The following OR6A2 variants were observed in gnomAD, a reference collection of about 807,000 sequenced individuals.
The protein encoded by OR6A2 is olfactory receptor family 6 subfamily A member 2.
In OR6A2, 6 loss-of-function variants were observed where a neutral mutation model predicts 7.1. That is an observed-to-expected ratio of 0.85 (90% confidence interval 0.46 to 1.68). The LOEUF is 1.68. OR6A2 is among the 40% of genes most tolerant of loss of function. The probability of loss-of-function intolerance (pLI) is 0.01; values close to 1 mark genes in which losing one functional copy is unlikely to be tolerated. For missense variants in OR6A2, 431 were observed against 398.0 expected (o/e 1.08, Z -0.71); for synonymous variants, 162 against 152.1 (o/e 1.06, Z -0.48).
rs190029924 is a variant in OR6A2, at chr11:6,793,760, T to C, written c.*965A>G. 2.0e-3 allele frequency: 303 copies of C among 152,292 alleles called. 3 individuals are homozygous for C. Among genetic ancestry groups the C allele is most frequent in the African/African-American group, 6.8e-3 (283 of 41,560 alleles). 9.4% of individuals were successfully genotyped at this position (152,292 alleles called of 1,614,324 possible). On this transcript the variant is annotated 3_prime_UTR_variant, in exon 2 of 2. Transcript: ENST00000641196. ...TCACTTTATTTCAATTTCTGCATAG[T>C]TTTCCATGTAACATATGAGCTACAA...
Position 6,795,270 on chromosome 11 carries a change from C to A in OR6A2, c.439G>T (p.Val147Leu), listed in dbSNP as rs146795535. ...YPVIVSGRLC[V>L]QMAAGSWAGG... ...GCCCAAGAGCCAGCAGCCATCTGCACACACAGCCGGCCACTGACAATGACT... is the reference window on the plus strand; with the variant it reads ...GCCCAAGAGCCAGCAGCCATCTGCAAACACAGCCGGCCACTGACAATGACT... The change falls in exon 2 of 2, where the codon GTG (valine) becomes TTG (leucine). Residue 147 changes from valine (V) to leucine (L), a missense_variant. Coordinates refer to ENST00000641196, the MANE Select transcript of OR6A2 (RefSeq NM_003696.3). 9 of 1,613,950 alleles carry A rather than the reference C, an allele frequency of 5.6e-6. No individual in the cohort carries two copies. In the African/African-American group the frequency reaches 9.3e-5, roughly 17 times the overall value.
rs1229021987 is a variant in OR6A2 at position 6,793,461 on chromosome 11, T to C, written c.*1264A>G. ...TAAATTTCTGAAAATCATACTGACA[T>C]ACCCTGTATCCATCTCCCTGTCCAG... On this transcript the variant is annotated 3_prime_UTR_variant, in exon 2 of 2. Coordinates refer to ENST00000641196, the MANE Select transcript of OR6A2 (RefSeq NM_003696.3). 1.3e-5 allele frequency: 2 copies of C among 152,126 alleles called. No homozygotes were observed. The highest frequency in any genetic ancestry group is 4.8e-5 in the African/African-American group (2 of 41,434). 9.4% of individuals were successfully genotyped at this position (152,126 alleles called of 1,614,324 possible).
At chr11:6,798,746 C>T (rs1394435499) in intron 1 of OR6A2, among the ~76,000 whole-genome samples, 1 of 152,142 alleles carries the variant, frequency 6.6e-6, no homozygotes, top group Non-Finnish European at 1.5e-5. Flanking sequence ...GTCAAAAACA[C>T]CCACTCTCTT....
Position 6,795,618 on chromosome 11 carries a change from G to C in OR6A2, c.91C>G (p.Leu31Val), listed in dbSNP as rs757390473. 6.2e-7 allele frequency: 1 copy of C among 1,614,032 alleles called. No homozygotes were observed. The highest frequency in any genetic ancestry group is 1.1e-5 in the South Asian group (1 of 91,062). Residue 31 changes from leucine (L) to valine (V), a missense_variant, in exon 2 of 2, where the codon CTT becomes GTT. By Grantham distance (32) the Leu-to-Val change is conservative (BLOSUM62 1). Coordinates refer to ENST00000641196, the MANE Select transcript of OR6A2 (RefSeq NM_003696.3). ...ACCAACACATAGGCCAGCAGCAAAA[G>C]GGCAAACAATAGTACCTGTAGTGGC... Reference protein sequence around the residue: ...PAPLQVLLFALLLLAYVLVLT... With the variant: ...PAPLQVLLFAVLLLAYVLVLT...
At position 6,795,318 on chromosome 11, in the gene OR6A2, T is replaced by C. The variant is rs761890155; in HGVS notation, c.391A>G (p.Ile131Val). 6.2e-7 allele frequency: 1 copy of C among 1,613,986 alleles called. No individual in the cohort carries two copies. Among genetic ancestry groups the C allele is most frequent in the Non-Finnish European group, 8.5e-7 (1 of 1,179,998 alleles). ...ACTGGGTAGTGGAGAGGATAGCAGA[T>C]GGCCATATAGCGATCATAGGCCATA... ...AVMAYDRYMA[I>V]CYPLHYPVIV... Residue 131 changes from isoleucine (I) to valine (V), a missense_variant, in exon 2 of 2, where the codon ATC becomes GTC. Physicochemically the swap from Ile to Val is conservative, Grantham distance 29 (BLOSUM62 3). Coordinates refer to ENST00000641196, the MANE Select transcript of OR6A2 (RefSeq NM_003696.3).
Position 6,794,002 on chromosome 11 carries a change from G to A in OR6A2, c.*723C>T, listed in dbSNP as rs1847717078. The A allele has an allele frequency of 6.6e-6, 1 of 152,098 alleles. No individual in the cohort carries two copies. The highest frequency in any genetic ancestry group is 1.5e-5 in the Non-Finnish European group (1 of 68,028). The allele number at this position is 152,098 out of a possible 1,614,324, so 9.4% of individuals were successfully genotyped here. A position where few individuals can be genotyped will look rare whatever the true frequency, so the allele number is the denominator to read the frequency against. ...CTCTGCATACTAGTAAAGTATGAGG[G>A]GTTTACTTCCTGCACCTGCCAACCC... On this transcript the variant is annotated 3_prime_UTR_variant, in exon 2 of 2. Coordinates refer to ENST00000641196, the MANE Select transcript of OR6A2 (RefSeq NM_003696.3).
In OR6A2 at chr11:6,795,339, C is replaced by A. The variant is rs140805977; in HGVS notation, c.370G>T (p.Ala124Ser). The A allele has an allele frequency of 4.3e-6, 7 of 1,613,860 alleles. No individual in the cohort carries two copies. The highest frequency in any genetic ancestry group is 5.9e-6 in the Non-Finnish European group (7 of 1,180,006). ...CAGATGGCCATATAGCGATCATAGG[C>A]CATAACAGCGAGAAGGACACACTCA... is the stretch of plus-strand genomic sequence containing the variant. ...CTECVLLAVM[A>S]YDRYMAICYP... is the part of the protein sequence containing the mutation. The change falls in exon 2 of 2, where the codon GCC becomes TCC. Residue 124 changes from alanine (A) to serine (S), a missense_variant. Coordinates refer to ENST00000641196, the MANE Select transcript of OR6A2 (RefSeq NM_003696.3).
Position 6,795,757 on chromosome 11 carries a change from T to C in OR6A2, c.-49A>G, listed in dbSNP as rs1395102363. The C allele has an allele frequency of 1.3e-6, 2 of 1,569,444 alleles. No individual in the cohort carries two copies. The highest frequency in any genetic ancestry group is 2.7e-5 in the African/African-American group (2 of 73,794). On this transcript the variant is annotated 5_prime_UTR_variant, in exon 2 of 2. Transcript: ENST00000641196. ...TTCAGGAGATGAGAGTAGAGAGTCTTCAGTAGGCCACAACAAGAACCCAGC... is the reference window on the plus strand; with the variant it reads ...TTCAGGAGATGAGAGTAGAGAGTCTCCAGTAGGCCACAACAAGAACCCAGC...
In OR6A2 at chr11:6,793,051, G is replaced by C. The variant is rs906355672; in HGVS notation, c.*1674C>G. 2.6e-5 allele frequency: 4 copies of C among 152,112 alleles called. No individual in the cohort carries two copies. The highest frequency in any genetic ancestry group is 9.7e-5 in the African/African-American group (4 of 41,414). 9.4% of individuals were successfully genotyped at this position (152,112 alleles called of 1,614,324 possible). ...TATTAACTCGAGTTAACTTATAAAAGAGTTTATAAAAGAGTTGTAATAACA... is the reference window on the plus strand; with the variant it reads ...TATTAACTCGAGTTAACTTATAAAACAGTTTATAAAAGAGTTGTAATAACA... On this transcript the variant is annotated 3_prime_UTR_variant, in exon 2 of 2. Transcript: ENST00000641196.
Position 6,791,795 on chromosome 11 carries a change from G to A in OR6A2, c.*2930C>T, listed in dbSNP as rs2133032504. The A allele has an allele frequency of 6.6e-6, 1 of 152,236 alleles. No homozygotes were observed. The highest frequency in any genetic ancestry group is 2.1e-4 in the South Asian group (1 of 4,824). 9.4% of individuals were successfully genotyped at this position (152,236 alleles called of 1,614,324 possible). On this transcript the variant is annotated 3_prime_UTR_variant, in exon 2 of 2. Coordinates refer to ENST00000641196, the MANE Select transcript of OR6A2 (RefSeq NM_003696.3). ...ACTTCTAAATTTTGGAACAATATTA[G>A]GCTTACAGAAAAATTGCAAAGATGC...
At chr11:6,796,429 A>G (rs1847749930) in intron 1 of OR6A2, among the ~76,000 whole-genome samples, 1 of 152,156 alleles carries the variant, frequency 6.6e-6, no homozygotes, top group African/African-American at 2.4e-5. Flanking sequence ...CAGCTGGGAG[A>G]GAGAATCTTT....
rs1020374811 is a variant in OR6A2, at chr11:6,794,173, T to C, written c.*552A>G. The C allele has an allele frequency of 3.9e-5, 6 of 154,148 alleles. No individual in the cohort carries two copies. Among genetic ancestry groups the C allele is most frequent in the Non-Finnish European group, 8.7e-5 (6 of 69,340 alleles). The allele number at this position is 154,148 out of a possible 1,614,324, so 9.5% of individuals were successfully genotyped here. A position where few individuals can be genotyped will look rare whatever the true frequency, so the allele number is the denominator to read the frequency against. On this transcript the variant is annotated 3_prime_UTR_variant, in exon 2 of 2. Transcript: ENST00000641196. ...AAAAGAAAATCTGATCCTGTCACCA[T>C]GGTGCTTATAGTCTAATCAGGGAGA... is the stretch of plus-strand genomic sequence containing the variant.
Position 6,794,855 on chromosome 11 carries a change from A to G in OR6A2, c.854T>C (p.Val285Ala), listed in dbSNP as rs774678855. The G allele has an allele frequency of 6.2e-7, 1 of 1,614,170 alleles. No homozygotes were observed. Among genetic ancestry groups the G allele is most frequent in the East Asian group, 2.2e-5 (1 of 44,892 alleles). The change falls in exon 2 of 2, where the codon GTC becomes GCC. Residue 285 changes from valine to alanine, a missense_variant. Physicochemically the swap from Val to Ala is moderately conservative, Grantham distance 64. Coordinates refer to ENST00000641196, the MANE Select transcript of OR6A2 (RefSeq NM_003696.3). ...GATGGGATTGAGCAATGGTACAATG[A>G]CAGCATACAGTACAGAGACCAACTT... is the stretch of plus-strand genomic sequence containing the variant. ...TNKLVSVLYA[V>A]IVPLLNPIIY...
Position 6,791,781 on chromosome 11 carries a change from T to C in OR6A2, c.*2944A>G, listed in dbSNP as rs1358844736. Reference sequence around the variant, plus strand: ...TCTTTTTAAAATAAACTTCTAAATTTTGGAACAATATTAGGCTTACAGAAA... The same window carrying C: ...TCTTTTTAAAATAAACTTCTAAATTCTGGAACAATATTAGGCTTACAGAAA... On this transcript the variant is annotated 3_prime_UTR_variant, in exon 2 of 2. Coordinates refer to ENST00000641196, the MANE Select transcript of OR6A2 (RefSeq NM_003696.3). 2 of 152,198 alleles carry C rather than the reference T, an allele frequency of 1.3e-5. No homozygotes were observed. The highest frequency in any genetic ancestry group is 2.9e-5 in the Non-Finnish European group (2 of 68,034). The allele number at this position is 152,198 out of a possible 1,614,324, so 9.4% of individuals were successfully genotyped here.
rs1847734435 is a variant in OR6A2 at position 6,795,274 on chromosome 11, C to T, written c.435G>A (p.Leu145=). The T allele has an allele frequency of 6.2e-7, 1 of 1,613,956 alleles. No homozygotes were observed. Among genetic ancestry groups the T allele is most frequent in the African/African-American group, 1.3e-5 (1 of 74,906 alleles). The part of the protein sequence containing the change: ...LHYPVIVSGR[L]CVQMAAGSWA... ...AAGAGCCAGCAGCCATCTGCACACA[C>T]AGCCGGCCACTGACAATGACTGGGT... Residue 145 remains leucine, a synonymous_variant, in exon 2 of 2, where the codon CTG becomes CTA. Coordinates refer to ENST00000641196, the MANE Select transcript of OR6A2 (RefSeq NM_003696.3).
intron 1 of OR6A2, among the ~76,000 whole-genome samples, chr11:6,796,942 G>T (rs758925840): frequency 6.6e-6 from 1 of 152,132 alleles, no homozygotes; most frequent in East Asian, 1.9e-4. Flanking sequence ...ATCTGGGTGC[G>T]ATTTCTTCTC....
In OR6A2 at chr11:6,793,273, C is replaced by A. The variant is rs1847709514; in HGVS notation, c.*1452G>T. On this transcript the variant is annotated 3_prime_UTR_variant, in exon 2 of 2. Transcript: ENST00000641196. ...AAAACTTTTAATAAGTATGGGCTAG[C>A]AAATAATGCATGATATCCTTGGTAA... is the stretch of plus-strand genomic sequence containing the variant. 6.6e-6 allele frequency: 1 copy of A among 152,138 alleles called. No homozygotes were observed. The highest frequency in any genetic ancestry group is 1.5e-5 in the Non-Finnish European group (1 of 68,022). The allele number at this position is 152,138 out of a possible 1,614,324, so 9.4% of individuals were successfully genotyped here. A position where few individuals can be genotyped will look rare whatever the true frequency, so the allele number is the denominator to read the frequency against.
In OR6A2 at chr11:6,795,868, T is replaced by C. The variant is rs1847744631; in HGVS notation, c.-160A>G. The C allele has an allele frequency of 3.2e-6, 2 of 625,808 alleles. No homozygotes were observed. Among genetic ancestry groups the C allele is most frequent in the Admixed American group, 3.0e-5 (1 of 33,866 alleles). 38.8% of individuals were successfully genotyped at this position (625,808 alleles called of 1,614,324 possible). On this transcript the variant is annotated 5_prime_UTR_variant, in exon 2 of 2. Coordinates refer to ENST00000641196, the MANE Select transcript of OR6A2 (RefSeq NM_003696.3). The stretch of plus-strand genomic sequence containing the variant: ...CTGAGCTGAGGCCACTGCTCTCTTC[T>C]TTAATCTGGAAATGAGCTAAGGCAA...
chr11:6,794,601 C>A lies in OR6A2; in HGVS notation c.*124G>T. 1 of 1,260,052 alleles carries A rather than the reference C, an allele frequency of 7.9e-7. No individual in the cohort carries two copies. Among genetic ancestry groups the A allele is most frequent in the Non-Finnish European group, 1.1e-6 (1 of 907,180 alleles). The allele number at this position is 1,260,052 out of a possible 1,614,324, so 78.1% of individuals were successfully genotyped here. A position where few individuals can be genotyped will look rare whatever the true frequency, so the allele number is the denominator to read the frequency against. The stretch of plus-strand genomic sequence containing the variant: ...CTTGGACTAGTTAAAGAAAGTATTC[C>A]TAGTTCCATAGTGATGCCTTTGAAA... On this transcript the variant is annotated 3_prime_UTR_variant, in exon 2 of 2. Coordinates refer to ENST00000641196, the MANE Select transcript of OR6A2 (RefSeq NM_003696.3).
Sources: allele counts gnomAD v4.1 joint callset (sites outside exome capture counted in the v4.1 genomes callset), GRCh38; gene constraint gnomAD v4.1.1; transcripts MANE v1.5; gene names NCBI Gene and HGNC (gene_info 2026-07-23, HGNC 2026-07-21).